FMNL2: variants seen among roughly 807,000 people sequenced by gnomAD.
The protein encoded by FMNL2 is formin-like protein 2.
A neutral mutation model predicts 130.2 loss-of-function variants in FMNL2; 51 were observed. The observed-to-expected ratio is 0.39, with a 90% CI of 0.31 to 0.49. The LOEUF is 0.49. FMNL2 is among the 20% of genes least tolerant of loss of function. The pLI is 0.85. For missense variants in FMNL2, 977 were observed against 1,316.2 expected, an observed-to-expected ratio of 0.74 and a Z score of 3.99; for synonymous variants, 465 against 467.1, an observed-to-expected ratio of 1.00 and a Z score of 0.06.
intron 1 of FMNL2, among the ~76,000 whole-genome samples, chr2:152,347,887 C>T (rs1040769926): frequency 1.3e-5 from 2 of 152,076 alleles, no homozygotes; most frequent in African/African-American, 4.8e-5. Flanking sequence ...TTGGCCAGAC[C>T]CATCTCCTCT....
At chr2:152,405,204 A>G (rs1685917581) in intron 1 of FMNL2, among the ~76,000 whole-genome samples, 1 of 152,176 alleles carries the variant, frequency 6.6e-6, no homozygotes, top group African/African-American at 2.4e-5. Context: ...TCCTTTGGCT[A>G]TAATGAGCTG....
intron 1 of FMNL2, among the ~76,000 whole-genome samples, chr2:152,414,579 T>A (rs888411580): frequency 2.0e-5 from 3 of 152,202 alleles, no homozygotes; most frequent in African/African-American, 7.2e-5. Context: ...CTCTTTCTAG[T>A]ATGACATCTG....
chr2:152,417,835 T>A (rs13000076), intron 1 of FMNL2, among the ~76,000 whole-genome samples: 47,492 of 151,992 alleles, frequency 0.31, 7,830 homozygotes, highest in Middle Eastern at 0.44. Context: ...TTTTTATTAT[T>A]ATTATTTTTT....
chr2:152,629,541 C>T (rs185929492), intron 18 of FMNL2, 115 bp from the exon 19 acceptor site: 1 of 884,426 alleles, frequency 1.1e-6, no homozygotes, highest in Non-Finnish European at 1.7e-6. Context: ...CACCATGAAG[C>T]CTGTATGCTC....
intron 17 of FMNL2, 52 bp downstream of exon 17, chr2:152,626,779 G>A: frequency 1.3e-6 from 2 of 1,503,216 alleles, no homozygotes; most frequent in African/African-American, 1.4e-5. Flanking sequence ...ATGAAAATGA[G>A]AAAGTTATGA....
chr2:152,591,134 G>A (rs947236181), intron 9 of FMNL2, among the ~76,000 whole-genome samples: 3 of 151,068 alleles, frequency 2.0e-5, no homozygotes, highest in African/African-American at 4.9e-5. Context: ...CTCAGCTCCC[G>A]AGTAGCTGGG....
intron 1 of FMNL2, among the ~76,000 whole-genome samples, chr2:152,338,838 C>CACACACACACACAT (rs1560277922): frequency 1.3e-5 from 2 of 151,848 alleles, no homozygotes; most frequent in Non-Finnish European, 2.9e-5. Context: ...CACACACACA[C>CACACACACACACAT]ACACACACAC....
chr2:152,488,023 G>T (rs1469284216), intron 1 of FMNL2, among the ~76,000 whole-genome samples: 1 of 152,074 alleles, frequency 6.6e-6, no homozygotes, highest in South Asian at 2.1e-4. Flanking sequence ...CAAGTGATAC[G>T]CCCACCTCGG....
intron 1 of FMNL2, among the ~76,000 whole-genome samples, chr2:152,395,917 G>A (rs985017260): frequency 7.2e-5 from 11 of 152,098 alleles, no homozygotes; most frequent in African/African-American, 1.9e-4. Context: ...GCGGGGCGGC[G>A]GCAGGCAAAA....
intron 1 of FMNL2, among the ~76,000 whole-genome samples, chr2:152,494,401 A>G (rs1281653323): frequency 6.6e-6 from 1 of 152,234 alleles, no homozygotes; most frequent in Non-Finnish European, 1.5e-5. Context: ...AAGAAGGATT[A>G]TAAACTACAC....
At chr2:152,466,647 T>G (rs1232988063) in intron 1 of FMNL2, among the ~76,000 whole-genome samples, 1 of 152,194 alleles carries the variant, frequency 6.6e-6, no homozygotes, top group East Asian at 1.9e-4. Context: ...ACACTGGACT[T>G]CCTTTGTCTT....
chr2:152,548,088 G>T (rs1694743737), intron 3 of FMNL2, among the ~76,000 whole-genome samples: 2 of 152,160 alleles, frequency 1.3e-5, no homozygotes, highest in Non-Finnish European at 2.9e-5. Context: ...TTCCTGGAAG[G>T]GTAGGTGGGA....
intron 15 of FMNL2, chr2:152,625,140 A>G (rs1681690977): frequency 6.5e-6 from 2 of 309,592 alleles, no homozygotes; most frequent in Non-Finnish European, 1.2e-5. Context: ...CCATTGTCCT[A>G]ATATTGTAAC....
chr2:152,360,733 C>T (rs1293469423), intron 1 of FMNL2, among the ~76,000 whole-genome samples: 1 of 152,124 alleles, frequency 6.6e-6, no homozygotes, highest in African/African-American at 2.4e-5. Flanking sequence ...AATGGTATTG[C>T]ATTTTCTATA....
intron 3 of FMNL2, among the ~76,000 whole-genome samples, chr2:152,547,009 G>A (rs909193655): frequency 1.4e-4 from 21 of 148,110 alleles, no homozygotes; most frequent in South Asian, 2.1e-4. Context: ...GCAGTGGCCC[G>A]ATTTCGGCTT....
intron 9 of FMNL2, among the ~76,000 whole-genome samples, chr2:152,601,913 A>C (rs1280319358): frequency 1.3e-5 from 2 of 150,692 alleles, no homozygotes; most frequent in Non-Finnish European, 3.0e-5. Context: ...CAGGTGATCC[A>C]CCTGTCTCGG....
chr2:152,385,845 AT>A (rs888908853), intron 1 of FMNL2, among the ~76,000 whole-genome samples: 3 of 151,940 alleles, frequency 2.0e-5, no homozygotes, highest in Non-Finnish European at 4.4e-5. Context: ...TATGCCATGG[AT>A]TTTTTTTCAG....
intron 1 of FMNL2, among the ~76,000 whole-genome samples, chr2:152,360,040 C>G (rs953080671): frequency 3.8e-4 from 58 of 152,306 alleles, no homozygotes; most frequent in African/African-American, 1.4e-3. Context: ...CAATAACAAG[C>G]TTGTAGGCTG....
intron 1 of FMNL2, among the ~76,000 whole-genome samples, chr2:152,342,171 C>G (rs1194415645): frequency 6.6e-6 from 1 of 152,202 alleles, no homozygotes; most frequent in Non-Finnish European, 1.5e-5. Flanking sequence ...ATGAACAGTG[C>G]TCTTCTTTTT....
Sources: allele counts gnomAD v4.1 joint callset (sites outside exome capture counted in the v4.1 genomes callset), GRCh38; gene constraint gnomAD v4.1.1; transcripts MANE v1.5; gene names NCBI Gene and HGNC (gene_info 2026-07-23, HGNC 2026-07-21).